The following SGCZ variants were observed in gnomAD, a reference collection of about 807,000 sequenced individuals.
SGCZ encodes the protein zeta-sarcoglycan.
A neutral mutation model predicts 41.3 loss-of-function variants in SGCZ; 40 were observed. The observed-to-expected ratio is 0.97, with a 90% CI of 0.75 to 1.26. SGCZ has a LOEUF of 1.26. Ranked by LOEUF, SGCZ falls within the 50% of genes most tolerant of loss-of-function variation. The pLI is 0.00. For missense variants in SGCZ, 552 were observed against 369.8 expected (o/e 1.49, Z -4.04); for synonymous variants, 206 against 137.5 (o/e 1.50, Z -3.49).
intron 4 of SGCZ, chr8:14,165,130 C>T (rs1329700324): frequency 2.6e-5 from 4 of 155,696 alleles, no homozygotes; most frequent in African/African-American, 9.6e-5. Context: ...CTTGCTACAT[C>T]ACGGAGGACT....
At chr8:14,600,527 T>A (rs1805557737) in intron 1 of SGCZ, among the ~76,000 whole-genome samples, 1 of 152,058 alleles carries the variant, frequency 6.6e-6, no homozygotes, top group Non-Finnish European at 1.5e-5. Flanking sequence ...GAGTCAAACC[T>A]CCCAGGCAGT....
At position 14,087,423 on chromosome 8, in the gene SGCZ, A is replaced by C. The variant is rs1003581413; in HGVS notation, c.*3020T>G. On this transcript the variant is annotated 3_prime_UTR_variant, in exon 8 of 8. Transcript: ENST00000382080. ...AATTCAGATACATCTCGGTTTATCC[A>C]TTCCTGGCAAATAACTTAAATGCTA... is the stretch of plus-strand genomic sequence containing the variant. Among the ~76,000 whole-genome samples the C allele has an allele frequency of 6.6e-6, 1 of 151,580 alleles. No homozygotes were observed. The highest frequency in any genetic ancestry group is 2.4e-5 in the African/African-American group (1 of 41,382).
chr8:15,014,169 G>C (rs1802937703), intron 1 of SGCZ, among the ~76,000 whole-genome samples: 1 of 152,164 alleles, frequency 6.6e-6, no homozygotes, highest in African/African-American at 2.4e-5. Flanking sequence ...AACAAGCCTG[G>C]AGCACTGTGG....
At chr8:14,235,139 T>C (rs759513210) in intron 4 of SGCZ, among the ~76,000 whole-genome samples, 1 of 152,154 alleles carries the variant, frequency 6.6e-6, no homozygotes, top group African/African-American at 2.4e-5. Flanking sequence ...AAACGGAGTG[T>C]CCAAAAGATT....
intron 1 of SGCZ, among the ~76,000 whole-genome samples, chr8:14,997,477 A>G (rs1802258973): frequency 6.6e-6 from 1 of 152,246 alleles, no homozygotes; most frequent in Non-Finnish European, 1.5e-5. Context: ...CCAAAAATGT[A>G]TTAACATGTA....
chr8:15,098,556 T>G (rs1197934823), intron 1 of SGCZ, among the ~76,000 whole-genome samples: 1 of 152,226 alleles, frequency 6.6e-6, no homozygotes, highest in Non-Finnish European at 1.5e-5. Flanking sequence ...TTATAAAATG[T>G]CAAATTGGAG....
intron 1 of SGCZ, among the ~76,000 whole-genome samples, chr8:14,681,240 A>T (rs1808436945): frequency 1.3e-5 from 2 of 152,130 alleles, no homozygotes; most frequent in Admixed American, 1.3e-4. Context: ...GGGAGGAAAA[A>T]AGACATTATG....
chr8:15,074,419 G>C (rs911716001), intron 1 of SGCZ, among the ~76,000 whole-genome samples: 8 of 152,028 alleles, frequency 5.3e-5, no homozygotes, highest in African/African-American at 1.9e-4. Context: ...CTTTTACAAT[G>C]GGCTCCTGAC....
At chr8:14,516,056 T>C (rs1055330189) in intron 2 of SGCZ, among the ~76,000 whole-genome samples, 2 of 152,048 alleles carry the variant, frequency 1.3e-5, no homozygotes, top group South Asian at 4.1e-4. Context: ...TTGTTAGACA[T>C]AGTGTGGACT....
rs182420248 is a variant in SGCZ, at chr8:14,964,477, A to G, written c.39+273108T>C. 4.7e-3 allele frequency among the ~76,000 whole-genome samples: 717 copies of G among 152,304 alleles called. 4 individuals carry two copies. Among genetic ancestry groups the G allele is most frequent in the South Asian group, 0.019 (91 of 4,828 alleles). On this transcript the variant is annotated intron_variant, in intron 1 of 7. Transcript: ENST00000382080. ...TGGTGATGCTAACTGGGTTACCTCT[A>G]AAACAAAAAGATTGTGATTTGCATG...
intron 1 of SGCZ, among the ~76,000 whole-genome samples, chr8:14,619,407 C>T (rs1241950385): frequency 1.3e-5 from 2 of 152,092 alleles, no homozygotes; most frequent in African/African-American, 4.8e-5. Context: ...TCTCACCACT[C>T]CTATTCAACA....
intron 1 of SGCZ, among the ~76,000 whole-genome samples, chr8:15,064,095 C>G (rs567050874): frequency 9.9e-5 from 15 of 152,258 alleles, no homozygotes; most frequent in Admixed American, 2.0e-4. Flanking sequence ...AAATGTTTCT[C>G]ACTTCAGAAG....
At chr8:15,030,499 G>C (rs146972309) in intron 1 of SGCZ, among the ~76,000 whole-genome samples, 292 of 152,204 alleles carry the variant, frequency 1.9e-3, no homozygotes, top group African/African-American at 6.7e-3. Context: ...TAAAGCAGTA[G>C]TTATCAGCTG....
intron 1 of SGCZ, among the ~76,000 whole-genome samples, chr8:15,056,562 G>A (rs59928462): frequency 2.0e-5 from 3 of 151,060 alleles, no homozygotes; most frequent in Admixed American, 2.0e-4. Flanking sequence ...AAAAACATTA[G>A]AAATGATAGT....
At chr8:14,462,586 T>C (rs1481348794) in intron 2 of SGCZ, among the ~76,000 whole-genome samples, 1 of 152,072 alleles carries the variant, frequency 6.6e-6, no homozygotes, top group Non-Finnish European at 1.5e-5. Context: ...TCTATGTGCC[T>C]ATTTTTGCCA....
intron 1 of SGCZ, among the ~76,000 whole-genome samples, chr8:14,872,069 C>A (rs1804176251): frequency 6.6e-6 from 1 of 151,740 alleles, no homozygotes; most frequent in Non-Finnish European, 1.5e-5. Flanking sequence ...AACACAGGAA[C>A]AGAAAACCAA....
At chr8:14,860,151 T>C (rs1157006893) in intron 1 of SGCZ, among the ~76,000 whole-genome samples, 1 of 152,092 alleles carries the variant, frequency 6.6e-6, no homozygotes, top group African/African-American at 2.4e-5. Flanking sequence ...CTTACTCTAA[T>C]TGACTAAAAA....
chr8:14,205,723 G>A (rs1013007143), intron 4 of SGCZ, among the ~76,000 whole-genome samples: 3 of 152,070 alleles, frequency 2.0e-5, no homozygotes, highest in Non-Finnish European at 4.4e-5. Context: ...GTAGACACCA[G>A]CTTAATGTGG....
intron 2 of SGCZ, among the ~76,000 whole-genome samples, chr8:14,440,549 G>A (rs1056677374): frequency 1.3e-5 from 2 of 151,824 alleles, no homozygotes; most frequent in Admixed American, 6.6e-5. Context: ...ATCATCACTA[G>A]CTTCATCTAA....
Sources: allele counts gnomAD v4.1 joint callset (sites outside exome capture counted in the v4.1 genomes callset), GRCh38; gene constraint gnomAD v4.1.1; transcripts MANE v1.5; gene names NCBI Gene and HGNC (gene_info 2026-07-23, HGNC 2026-07-21).